The following IL31RA variants were observed in gnomAD, a reference collection of about 807,000 sequenced individuals.
IL31RA encodes the protein interleukin-31 receptor subunit alpha.
Under a neutral mutation model 83.7 loss-of-function variants are expected in IL31RA, and 66 were observed. That is an observed-to-expected ratio of 0.79 (90% CI 0.65 to 0.97). IL31RA has a LOEUF of 0.97. Ranked by LOEUF, IL31RA falls within the 50% of genes least tolerant of loss-of-function variation. The pLI is 0.00. For missense variants in IL31RA, 798 were observed against 919.4 expected (o/e 0.87, Z 1.71); for synonymous variants, 325 against 329.0 (o/e 0.99, Z 0.13).
chr5:55,922,054 C>CAG lies in IL31RA; in HGVS notation c.*4934_*4935insAG. Among the ~76,000 whole-genome samples, 1 of 70,438 alleles carries CAG rather than the reference C, an allele frequency of 1.4e-5. No homozygotes were observed. The highest frequency in any genetic ancestry group is 5.6e-4 in the South Asian group (1 of 1,800). The allele number at this position is 70,438 out of a possible 152,430, so 46.2% of individuals were successfully genotyped here. A position where few individuals can be genotyped will look rare whatever the true frequency, so the allele number is the denominator to read the frequency against. The stretch of plus-strand genomic sequence containing the variant: ...AGTGTCTTGCACTCTTATGTTGTGG[C>CAG]GGGGGGGGGGGGCGGTTCCTGAAGA... On this transcript the variant is annotated 3_prime_UTR_variant, in exon 15 of 15. Transcript: ENST00000652347.
chr5:55,852,760 T>C lies in IL31RA; in HGVS notation c.63+1127T>C, dbSNP rs1745138422. On this transcript the variant is annotated intron_variant, in intron 1 of 14. Coordinates refer to ENST00000652347, the MANE Select transcript of IL31RA (RefSeq NM_139017.7). Reference sequence around the variant, plus strand: ...TCCTAGAAATAATCTAATTTGAACCTTTGATTGCTAGGAAACTGAGAGTCA... The same window carrying C: ...TCCTAGAAATAATCTAATTTGAACCCTTGATTGCTAGGAAACTGAGAGTCA... Among the ~76,000 whole-genome samples, 2 of 152,226 alleles carry C rather than the reference T, an allele frequency of 1.3e-5. 1 individual carries two copies. The highest frequency in any genetic ancestry group is 4.1e-4 in the South Asian group (2 of 4,838).
At chr5:55,862,472 A>C (rs1290350625) in intron 2 of IL31RA, among the ~76,000 whole-genome samples, 1 of 152,116 alleles carries the variant, frequency 6.6e-6, no homozygotes, top group African/African-American at 2.4e-5. Context: ...TCAGTGGTGC[A>C]ATCTCAGCTC....
chr5:55,851,518 A>T lies in IL31RA; in HGVS notation c.-53A>T. The T allele has an allele frequency of 6.2e-7, 1 of 1,613,976 alleles. No individual in the cohort carries two copies. Among genetic ancestry groups the T allele is most frequent in the South Asian group, 1.1e-5 (1 of 91,078 alleles). On this transcript the variant is annotated 5_prime_UTR_variant, in exon 1 of 15. It removes an upstream start codon present in the reference 5' UTR. Transcript: ENST00000652347. ...CCATGAAAAGACATGTGTGTGCAGT[A>T]TGAAAATTGAGACAGGAAGGCAGAG...
chr5:55,880,009 A>C (rs1747103597), intron 4 of IL31RA, among the ~76,000 whole-genome samples: 1 of 152,164 alleles, frequency 6.6e-6, no homozygotes, highest in South Asian at 2.1e-4. Context: ...AATGAGTCTT[A>C]GATTGGCTTC....
intron 2 of IL31RA, among the ~76,000 whole-genome samples, chr5:55,862,318 T>C (rs1745737240): frequency 6.6e-6 from 1 of 152,270 alleles, no homozygotes; most frequent in South Asian, 2.1e-4. Context: ...AACTAAGAAA[T>C]TGATTTTGGC....
chr5:55,867,829 A>T (rs887708537), intron 2 of IL31RA, among the ~76,000 whole-genome samples: 1 of 152,148 alleles, frequency 6.6e-6, no homozygotes, highest in Non-Finnish European at 1.5e-5. Context: ...AACCCGTCAG[A>T]TCTCGTGGGT....
intron 6 of IL31RA, among the ~76,000 whole-genome samples, chr5:55,895,872 C>T (rs1200290945): frequency 6.6e-6 from 1 of 152,126 alleles, no homozygotes; most frequent in Non-Finnish European, 1.5e-5. Context: ...AGCTTATTGT[C>T]TTATTCCTTT....
intron 4 of IL31RA, among the ~76,000 whole-genome samples, chr5:55,879,697 T>C (rs1747082877): frequency 6.6e-6 from 1 of 151,004 alleles, no homozygotes; most frequent in Non-Finnish European, 1.5e-5. Context: ...CCCAAAGTGC[T>C]GGGATTACAG....
chr5:55,901,202 A>G (rs1748780449), intron 8 of IL31RA, among the ~76,000 whole-genome samples: 1 of 152,176 alleles, frequency 6.6e-6, no homozygotes, highest in African/African-American at 2.4e-5. Context: ...TGTAGTCCTC[A>G]TTTCCTGACA....
At chr5:55,845,936 T>C in the IL31RA span, among the ~76,000 whole-genome samples, 1 of 152,210 alleles carries the variant, frequency 6.6e-6, no homozygotes, top group Non-Finnish European at 1.5e-5. Context: ...GTGGTTCTTA[T>C]ACGAGCTCCT....
intron 2 of IL31RA, among the ~76,000 whole-genome samples, chr5:55,867,238 T>TGTGC (rs1746195856): frequency 1.7e-5 from 2 of 115,348 alleles, no homozygotes; most frequent in Non-Finnish European, 3.4e-5. Context: ...TGTGTTTGTG[T>TGTGC]GTGTGTTTGT....
chr5:55,883,471 A>G (rs1428615199), intron 5 of IL31RA, among the ~76,000 whole-genome samples: 2 of 152,190 alleles, frequency 1.3e-5, no homozygotes, highest in Non-Finnish European at 1.5e-5. Context: ...GTGTCTGGCT[A>G]TGTTGGCTAC....
intron 2 of IL31RA, among the ~76,000 whole-genome samples, chr5:55,863,191 T>A (rs1027800798): frequency 2.6e-5 from 4 of 152,202 alleles, no homozygotes; most frequent in African/African-American, 9.7e-5. Flanking sequence ...CCCCCTAATC[T>A]GTGATAAAAT....
intron 6 of IL31RA, among the ~76,000 whole-genome samples, chr5:55,892,846 A>G (rs1245388086): frequency 6.6e-6 from 1 of 152,224 alleles, no homozygotes; most frequent in Non-Finnish European, 1.5e-5. Flanking sequence ...GCTTGATTTA[A>G]TTAGCAAACA....
intron 1 of IL31RA, among the ~76,000 whole-genome samples, chr5:55,854,896 A>G (rs1313373236): frequency 6.6e-6 from 1 of 152,168 alleles, no homozygotes; most frequent in African/African-American, 2.4e-5. Context: ...ATCTAAGGCC[A>G]TTATTACTGC....
chr5:55,910,843 T>C (rs917706845), intron 12 of IL31RA, among the ~76,000 whole-genome samples, 171 bp downstream of exon 12: 1 of 152,094 alleles, frequency 6.6e-6, no homozygotes, highest in African/African-American at 2.4e-5. Context: ...GGTGAGGAGA[T>C]GGGAGGGAAG....
In IL31RA at chr5:55,920,988, T is replaced by C. The variant is rs953253342; in HGVS notation, c.*3868T>C. On this transcript the variant is annotated 3_prime_UTR_variant, in exon 15 of 15. Coordinates refer to ENST00000652347, the MANE Select transcript of IL31RA (RefSeq NM_139017.7). ...TCTAGTGGGTAGAGGCCGGCAATGC[T>C]GGAAATTATCTTATAATGCGCAGAA... Among the ~76,000 whole-genome samples the C allele has an allele frequency of 3.9e-5, 6 of 152,084 alleles. No homozygotes were observed. Among genetic ancestry groups the C allele is most frequent in the African/African-American group, 9.7e-5 (4 of 41,396 alleles).
chr5:55,896,436 T>C lies in IL31RA; in HGVS notation c.852+7T>C. ...AGTGCGGTTGTTATGGAAGGTGACC[T>C]CCCTCTGGATTCTTTTTCTCTCTCT... is the stretch of plus-strand genomic sequence containing the variant. On this transcript the variant is annotated splice_region_variant and intron_variant, in intron 7 of 14. Coordinates refer to ENST00000652347, the MANE Select transcript of IL31RA (RefSeq NM_139017.7). The C allele has an allele frequency of 6.3e-7, 1 of 1,596,518 alleles. No homozygotes were observed. The highest frequency in any genetic ancestry group is 8.6e-7 in the Non-Finnish European group (1 of 1,164,366).
At chr5:55,871,764 CT>C (rs1225843669) in intron 3 of IL31RA, among the ~76,000 whole-genome samples, 4 of 149,428 alleles carry the variant, frequency 2.7e-5, no homozygotes, top group Admixed American at 6.6e-5. Context: ...ATGCATCCTA[CT>C]TTTTTTCACC....
Sources: allele counts gnomAD v4.1 joint callset (sites outside exome capture counted in the v4.1 genomes callset), GRCh38; gene constraint gnomAD v4.1.1; transcripts MANE v1.5; gene names NCBI Gene and HGNC (gene_info 2026-07-23, HGNC 2026-07-21).